SMG6: variants seen among roughly 807,000 people sequenced by gnomAD.
SMG6 encodes the protein telomerase-binding protein EST1A.
Under a neutral mutation model 142.2 loss-of-function variants are expected in SMG6, and 66 were observed. That is an observed-to-expected ratio of 0.46 (90% CI 0.38 to 0.57). SMG6 has a LOEUF of 0.57. Among genes scored for constraint, SMG6 ranks in the 20% least tolerant of loss-of-function variants. The pLI, the probability that SMG6 is intolerant of heterozygous loss-of-function variation, is 0.00. For synonymous variants in SMG6, 779 were observed against 702.4 expected, an observed-to-expected ratio of 1.11 and a Z score of -1.72; for missense variants, 1,793 against 1,832.0, an observed-to-expected ratio of 0.98 and a Z score of 0.39.
At chr17:2,091,733 C>CAT (rs2068723758) in intron 13 of SMG6, among the ~76,000 whole-genome samples, 1 of 149,746 alleles carries the variant, frequency 6.7e-6, no homozygotes, top group African/African-American at 2.5e-5. Context: ...TGCAGTGGTG[C>CAT]GATCTCGGCT....
chr17:2,085,209 C>T lies in SMG6; in HGVS notation c.3534+516G>A, dbSNP rs2068525303. ...AGTGAAGCAAGGGCTACAGGAACAACCAAGGGCAAACAAACAAGAGGAGAA... is the reference window on the plus strand; with the variant it reads ...AGTGAAGCAAGGGCTACAGGAACAATCAAGGGCAAACAAACAAGAGGAGAA... On this transcript the variant is annotated intron_variant, in intron 14 of 18. Coordinates refer to ENST00000263073, the MANE Select transcript of SMG6 (RefSeq NM_017575.5). This position sits in a 1 kb window ranked among gnomAD's most constrained non-coding sequence, Gnocchi z 4.1. 6.6e-6 allele frequency among the ~76,000 whole-genome samples: 1 copy of T among 151,670 alleles called. No individual in the cohort carries two copies. The highest frequency in any genetic ancestry group is 2.4e-5 in the African/African-American group (1 of 41,202).
rs2071542444 is a variant in SMG6 at position 2,172,710 on chromosome 17, G to C, written c.3305C>G (p.Pro1102Arg). 6.2e-7 allele frequency: 1 copy of C among 1,613,904 alleles called. No homozygotes were observed. Among genetic ancestry groups the C allele is most frequent in the African/African-American group, 1.3e-5 (1 of 74,882 alleles). The change falls in exon 13 of 19, where the codon CCC becomes CGC. Residue 1102 changes from proline (P) to arginine (R), a missense_variant. Coordinates refer to ENST00000263073, the MANE Select transcript of SMG6 (RefSeq NM_017575.5). ...GGGGTCCTGAGGGGCAGCCAGCAAG[G>C]GGACAAAGCCCGAGAGAAGCCGATC... Reference protein sequence around the residue: ...EEDRLLSGFVPLLAAPQDPCY... With the variant: ...EEDRLLSGFVRLLAAPQDPCY...
chr17:2,082,054 G>A (rs1174218480), intron 14 of SMG6, 98 bp from the exon 15 acceptor site: 30 of 1,313,138 alleles, frequency 2.3e-5, no homozygotes, highest in Admixed American at 8.9e-5. Flanking sequence ...CCTCACCCAC[G>A]CAGACTGGGA....
At chr17:2,118,598 CTTTT>C (rs35884470) in intron 13 of SMG6, among the ~76,000 whole-genome samples, 1 of 135,952 alleles carries the variant, frequency 7.4e-6, no homozygotes, top group African/African-American at 2.7e-5. Context: ...ATCTAGATAG[CTTTT>C]TTTTTTTTTT....
chr17:2,283,160 A>C (rs1597782603), intron 7 of SMG6, among the ~76,000 whole-genome samples: 1 of 152,328 alleles, frequency 6.6e-6, no homozygotes, highest in South Asian at 2.1e-4. Context: ...ACAAGAGCGA[A>C]ACTCTGTCTC....
chr17:2,087,169 T>A, intron 13 of SMG6: 1 of 1,290,426 alleles, frequency 7.7e-7, no homozygotes, highest in African/African-American at 1.5e-5. Context: ...TCTCATCGTT[T>A]TCGTACGTCA....
At chr17:2,076,700 T>C (rs919834037) in intron 15 of SMG6, among the ~76,000 whole-genome samples, 2 of 150,590 alleles carry the variant, frequency 1.3e-5, no homozygotes, top group African/African-American at 4.9e-5. Flanking sequence ...TAAAGCGGGG[T>C]GGGGAAGGGA....
intron 13 of SMG6, among the ~76,000 whole-genome samples, chr17:2,160,461 C>T (rs559160964): frequency 1.3e-5 from 2 of 152,170 alleles, no homozygotes; most frequent in Non-Finnish European, 2.9e-5. Flanking sequence ...TCTGGTGAAC[C>T]GCCTGCCTCG....
At chr17:2,076,417 C>G (rs1217534788) in intron 15 of SMG6, among the ~76,000 whole-genome samples, 4 of 152,174 alleles carry the variant, frequency 2.6e-5, no homozygotes, top group African/African-American at 9.7e-5. Flanking sequence ...ATACCTTTTC[C>G]TTGGATTTTC....
chr17:2,119,878 G>A (rs1266713155), intron 13 of SMG6, among the ~76,000 whole-genome samples: 2 of 152,120 alleles, frequency 1.3e-5, no homozygotes, highest in Non-Finnish European at 2.9e-5. Flanking sequence ...TAGCCGGCAT[G>A]GTCTCGATCT....
intron 13 of SMG6, among the ~76,000 whole-genome samples, chr17:2,168,535 G>A (rs1198973479): frequency 2.0e-5 from 3 of 152,100 alleles, no homozygotes; most frequent in Non-Finnish European, 4.4e-5. Context: ...CAACTCCTAG[G>A]TTGGCCATGG....
intron 10 of SMG6, among the ~76,000 whole-genome samples, chr17:2,230,383 G>T (rs2073455376): frequency 1.0e-5 from 1 of 96,584 alleles, no homozygotes; most frequent in Non-Finnish European, 2.1e-5. Flanking sequence ...AACGGCAAAA[G>T]AAACGAAATC....
At chr17:2,100,424 T>A (rs1394784169) in intron 13 of SMG6, among the ~76,000 whole-genome samples, 1 of 152,200 alleles carries the variant, frequency 6.6e-6, no homozygotes, top group East Asian at 1.9e-4. Flanking sequence ...CTGCCCTCCT[T>A]CACCTACCAA....
chr17:2,187,936 T>C (rs1276733363), intron 11 of SMG6, among the ~76,000 whole-genome samples: 1 of 152,180 alleles, frequency 6.6e-6, no homozygotes, highest in Admixed American at 6.5e-5. Flanking sequence ...GGATATGGGA[T>C]ACTGTCTCAA....
At position 2,282,774 on chromosome 17, in the gene SMG6, T is replaced by C; in HGVS notation, c.2534A>G (p.His845Arg). ...CAGGCGAGTGGTGTCATCTCCAACA[T>C]GCCGGAAAGTAGACTTCTTTCCTTT... ...WRKGKKSTFR[H>R]VGDDTTRLEI... Residue 845 changes from histidine to arginine, a missense_variant, in exon 8 of 19, where the codon CAT becomes CGT. Transcript: ENST00000263073. 1 of 1,614,206 alleles carries C rather than the reference T, an allele frequency of 6.2e-7. No homozygotes were observed. The highest frequency in any genetic ancestry group is 8.5e-7 in the Non-Finnish European group (1 of 1,180,030).
At chr17:2,109,414 C>T (rs1295200472) in intron 13 of SMG6, among the ~76,000 whole-genome samples, 2 of 152,132 alleles carry the variant, frequency 1.3e-5, no homozygotes, top group African/African-American at 2.4e-5. Flanking sequence ...TAGGCGCGTG[C>T]CACCACGCCT....
intron 14 of SMG6, among the ~76,000 whole-genome samples, chr17:2,082,727 T>A (rs1446490039): frequency 6.6e-6 from 1 of 152,200 alleles, no homozygotes; most frequent in Non-Finnish European, 1.5e-5. Context: ...ATTCCTTGCT[T>A]TCTTACTTTT....
At chr17:2,225,472 C>T (rs1182407123) in intron 10 of SMG6, among the ~76,000 whole-genome samples, 1 of 152,062 alleles carries the variant, frequency 6.6e-6, no homozygotes, top group African/African-American at 2.4e-5. Flanking sequence ...CACTGCACTC[C>T]AGCCTGGGTG....
intron 13 of SMG6, among the ~76,000 whole-genome samples, chr17:2,150,520 G>A (rs1004591364): frequency 6.6e-6 from 1 of 150,836 alleles, no homozygotes; most frequent in Non-Finnish European, 1.5e-5. Context: ...CCTGGCCCTC[G>A]ATGCTATGGA....
Sources: allele counts gnomAD v4.1 joint callset (sites outside exome capture counted in the v4.1 genomes callset), GRCh38; gene constraint gnomAD v4.1.1; non-coding constraint Gnocchi (gnomAD v3.1); transcripts MANE v1.5; gene names NCBI Gene and HGNC (gene_info 2026-07-23, HGNC 2026-07-21).